The following PTPN13 variants were observed in gnomAD, a reference collection of about 807,000 sequenced individuals.
The protein encoded by PTPN13 is protein tyrosine phosphatase non-receptor type 13, also known as tyrosine-protein phosphatase non-receptor type 13.
Under a neutral mutation model 284.0 loss-of-function variants are expected in PTPN13, and 191 were observed. The ratio of observed to expected loss-of-function variants is 0.67; its 90% CI spans 0.60 to 0.76. The LOEUF is 0.76. Ranked by LOEUF, PTPN13 falls within the 30% of genes least tolerant of loss-of-function variation. The pLI, the probability that PTPN13 is intolerant of heterozygous loss-of-function variation, is 0.00. For synonymous variants in PTPN13, 986 were observed against 1,022.3 expected, an observed-to-expected ratio of 0.96 and a Z score of 0.68; for missense variants, 2,797 against 2,939.9, an observed-to-expected ratio of 0.95 and a Z score of 1.12.
chr4:86,686,618 T>G, intron 3 of PTPN13, 92 bp from the exon 4 acceptor site: 1 of 837,494 alleles, frequency 1.2e-6, no homozygotes, highest in Non-Finnish European at 1.9e-6. Context: ...TATTATATTT[T>G]CTTTGGAACA....
intron 23 of PTPN13, among the ~76,000 whole-genome samples, chr4:86,761,952 C>A (rs931415846): frequency 2.6e-5 from 4 of 152,050 alleles, no homozygotes; most frequent in African/African-American, 7.2e-5. Flanking sequence ...TTTGTGTCTT[C>A]AGAAAGCTTT....
At chr4:86,682,583 T>C (rs541110288) in intron 3 of PTPN13, among the ~76,000 whole-genome samples, 18 of 152,344 alleles carry the variant, frequency 1.2e-4, no homozygotes, top group African/African-American at 3.6e-4. Context: ...CTTGCCTGTT[T>C]TTGAATAATC....
At chr4:86,710,070 G>A (rs980943472) in intron 7 of PTPN13, among the ~76,000 whole-genome samples, 2 of 152,086 alleles carry the variant, frequency 1.3e-5, no homozygotes, top group Non-Finnish European at 2.9e-5. Context: ...AGGTACAGTC[G>A]CTAATCTCCC....
chr4:86,733,490 A>T (rs765531098), intron 12 of PTPN13, among the ~76,000 whole-genome samples: 1 of 152,286 alleles, frequency 6.6e-6, no homozygotes, highest in African/African-American at 2.4e-5. Flanking sequence ...CTAAAACTCT[A>T]TAAGCTCTTA....
Position 86,807,870 on chromosome 4 carries a change from G to A in PTPN13, c.7056G>A (p.Val2352=), listed in dbSNP as rs772603553. The part of the protein sequence containing the change: ...VRMQQLKGFV[V]RAMTLEDIQT... ...TGCAGCAGCTGAAGGGCTTTGTGGTGAGGGCAATGACCCTTGAAGATATTC... is the reference window on the plus strand; with the variant it reads ...TGCAGCAGCTGAAGGGCTTTGTGGTAAGGGCAATGACCCTTGAAGATATTC... The change falls in exon 45 of 48, where the codon GTG becomes GTA. Residue 2352 remains valine (V), a synonymous_variant. Transcript: ENST00000411767. 26 of 1,613,688 alleles carry A rather than the reference G, an allele frequency of 1.6e-5. No homozygotes were observed. In the East Asian group the frequency reaches 4.2e-4, roughly 26 times the overall value.
chr4:86,747,546 A>G (rs868436960), intron 17 of PTPN13, among the ~76,000 whole-genome samples: 6 of 148,712 alleles, frequency 4.0e-5, no homozygotes, highest in African/African-American at 1.3e-4. Context: ...CAGCAGCAGC[A>G]GCGGCAGCAG....
At chr4:86,598,380 AGCGATCG>A (rs1764010336) in intron 1 of PTPN13, among the ~76,000 whole-genome samples, 1 of 151,966 alleles carries the variant, frequency 6.6e-6, no homozygotes. Flanking sequence ...CCTGACCTCA[AGCGATCG>A]GCCTGCCTCA....
At position 86,796,164 on chromosome 4, in the gene PTPN13, G is replaced by A. The variant is rs1743318110; in HGVS notation, c.6346-710G>A. 3.3e-5 allele frequency among the ~76,000 whole-genome samples: 5 copies of A among 152,044 alleles called. No homozygotes were observed. In the South Asian group the frequency reaches 1.0e-3, roughly 32 times the overall value. ...AGTTGACTAATCTTTAATGATAAAG[G>A]GGCAATATATTATAATCTAACATAT... On this transcript the variant is annotated intron_variant, in intron 40 of 47. Coordinates refer to ENST00000411767, the MANE Select transcript of PTPN13 (RefSeq NM_080683.3).
intron 20 of PTPN13, among the ~76,000 whole-genome samples, chr4:86,754,915 A>G (rs140603863): frequency 3.9e-5 from 6 of 152,090 alleles, no homozygotes; most frequent in Admixed American, 3.3e-4. Context: ...ACAAGGCTAT[A>G]TTTTCTTCAA....
intron 1 of PTPN13, among the ~76,000 whole-genome samples, chr4:86,601,769 C>A (rs551622951): frequency 2.0e-5 from 3 of 152,242 alleles, no homozygotes; most frequent in Non-Finnish European, 4.4e-5. Flanking sequence ...ACTTAAGAAT[C>A]ACTGTCTGTG....
In PTPN13 at chr4:86,764,675, T is replaced by C; in HGVS notation, c.4100T>C (p.Phe1367Ser). The C allele has an allele frequency of 1.2e-6, 2 of 1,607,556 alleles. No individual in the cohort carries two copies. Among genetic ancestry groups the C allele is most frequent in the South Asian group, 2.2e-5 (2 of 89,406 alleles). The change falls in exon 25 of 48, where the codon TTT (phenylalanine) becomes TCT (serine). Residue 1367 changes from phenylalanine to serine, a missense_variant. Coordinates refer to ENST00000411767, the MANE Select transcript of PTPN13 (RefSeq NM_080683.3). ...SSSPPKPGDIFEVELAKNDNS... is the reference protein window; with the variant it reads ...SSSPPKPGDISEVELAKNDNS... ...TCACCTCCTAAGCCTGGAGATATCT[T>C]TGAGGTTGAACTGGCTAAAAATGAT...
chr4:86,744,113 T>C (rs965814471), intron 16 of PTPN13, among the ~76,000 whole-genome samples: 4 of 152,198 alleles, frequency 2.6e-5, no homozygotes, highest in Non-Finnish European at 5.9e-5. Context: ...TCTCTATATT[T>C]GGCACAAATC....
chr4:86,805,240 G>T (rs1744523289), intron 43 of PTPN13, 39 bp from the exon 44 acceptor site: 1 of 1,364,828 alleles, frequency 7.3e-7, no homozygotes, highest in African/African-American at 1.5e-5. Flanking sequence ...CTGAATTACT[G>T]CTTATCTCAA....
intron 15 of PTPN13, among the ~76,000 whole-genome samples, chr4:86,737,468 T>G (rs1578536195): frequency 6.6e-6 from 1 of 152,092 alleles, no homozygotes; most frequent in East Asian, 1.9e-4. Context: ...AGTCCAGTCA[T>G]AACAATAAAG....
rs560136479 is a variant in PTPN13, at chr4:86,716,863, A to G, written c.1292-161A>G. Among the ~76,000 whole-genome samples the G allele has an allele frequency of 2.0e-5, 3 of 152,326 alleles. No individual in the cohort carries two copies. In the South Asian group the frequency reaches 6.2e-4, roughly 32 times the overall value. On this transcript the variant is annotated intron_variant, in intron 8 of 47. Coordinates refer to ENST00000411767, the MANE Select transcript of PTPN13 (RefSeq NM_080683.3). Reference sequence around the variant, plus strand: ...TAATAATTCATTGTCTTTAAAAGTAACATGATTTACCTCAAAAGAGTTTAA... The same window carrying G: ...TAATAATTCATTGTCTTTAAAAGTAGCATGATTTACCTCAAAAGAGTTTAA...
intron 1 of PTPN13, among the ~76,000 whole-genome samples, chr4:86,628,743 A>G (rs1722122414): frequency 7.2e-6 from 1 of 139,368 alleles, no homozygotes; most frequent in Non-Finnish European, 1.5e-5. Context: ...ATGAGTGAGA[A>G]CATGCGGTGT....
At chr4:86,640,934 T>C (rs1294435620) in intron 2 of PTPN13, among the ~76,000 whole-genome samples, 1 of 152,208 alleles carries the variant, frequency 6.6e-6, no homozygotes, top group Admixed American at 6.5e-5. Context: ...TTATCAGTAA[T>C]ACAGAGAGAT....
intron 37 of PTPN13, among the ~76,000 whole-genome samples, chr4:86,782,760 T>G (rs2149311610): frequency 6.6e-6 from 1 of 152,350 alleles, no homozygotes; most frequent in East Asian, 1.9e-4. Flanking sequence ...ACCAAATGAT[T>G]AAATGAGAGA....
At chr4:86,632,044 G>A (rs199818922) in intron 1 of PTPN13, among the ~76,000 whole-genome samples, 1 of 110,062 alleles carries the variant, frequency 9.1e-6, no homozygotes, top group African/African-American at 3.1e-5. Context: ...CCTTCCTTTT[G>A]TCCTTCCATC....
Sources: allele counts gnomAD v4.1 joint callset (sites outside exome capture counted in the v4.1 genomes callset), GRCh38; gene constraint gnomAD v4.1.1; transcripts MANE v1.5; gene names NCBI Gene and HGNC (gene_info 2026-07-23, HGNC 2026-07-21).